The following SETD2 variants were observed in gnomAD, a reference collection of about 807,000 sequenced individuals.
The protein encoded by SETD2 is SET domain containing 2, histone lysine methyltransferase.
SETD2 carries 31 observed loss-of-function variants against 242.1 expected under a neutral mutation model. The observed-to-expected ratio is 0.13, with a 90% CI of 0.10 to 0.17. The LOEUF (loss-of-function observed/expected upper bound fraction) is 0.17, where lower values mean the gene tolerates loss of function less well. Among genes scored for constraint, SETD2 ranks in the 10% least tolerant of loss-of-function variants. SETD2 has a pLI of 1.00. For synonymous variants in SETD2, 1,006 were observed against 1,066.5 expected, an observed-to-expected ratio of 0.94 and a Z score of 1.11; for missense variants, 2,481 against 3,046.3, an observed-to-expected ratio of 0.81 and a Z score of 4.37.
chr3:47,163,629 A>C (rs888196630), intron 1 of SETD2: 8 of 242,724 alleles, frequency 3.3e-5, no homozygotes, highest in Admixed American at 5.7e-5. Context: ...CGCCGCCGCG[A>C]CACGAGCAGC....
chr3:47,129,489 T>C (rs986778424), intron 1 of SETD2, among the ~76,000 whole-genome samples: 1 of 152,226 alleles, frequency 6.6e-6, no homozygotes, highest in Non-Finnish European at 1.5e-5. Context: ...CCATTCTGTA[T>C]CTTGCTTCCC....
At chr3:47,049,778 T>G (rs2039726431) in intron 15 of SETD2, among the ~76,000 whole-genome samples, 1 of 139,528 alleles carries the variant, frequency 7.2e-6, no homozygotes, top group African/African-American at 2.7e-5. Context: ...GAGTTTATAT[T>G]ATTATATATA....
chr3:47,151,688 G>T (rs149897177), intron 1 of SETD2, among the ~76,000 whole-genome samples: 1 of 151,952 alleles, frequency 6.6e-6, no homozygotes, highest in Non-Finnish European at 1.5e-5. Context: ...TTAGCCGGGC[G>T]TGGTGGTACG....
rs1335174982 is a variant in SETD2 at position 47,089,276 on chromosome 3, T to C, written c.5143-1029A>G. Among the ~76,000 whole-genome samples, 6 of 152,058 alleles carry C rather than the reference T, an allele frequency of 3.9e-5. No homozygotes were observed. The South Asian group carries it at 8.3e-4, about 21-fold the overall frequency. On this transcript the variant is annotated intron_variant, in intron 9 of 20. Coordinates refer to ENST00000409792, the MANE Select transcript of SETD2 (RefSeq NM_014159.7). ...GCCTGGGCAACACAGCCAGACTTCA[T>C]CTCTACTAAAAATCAAAAAAATTAG...
rs758888329 is a variant in SETD2 at position 47,113,895 on chromosome 3, C to T, written c.4696G>A (p.Ala1566Thr). ...LTEKKGWGLR[A>T]AKDLPSNTFV... Reference sequence around the variant, plus strand: ...ACTTACGAAGGAAGGTCTTTGGCAGCTCTCAAGCCCCAGCCTTTCTTTTCT... The same window carrying T: ...ACTTACGAAGGAAGGTCTTTGGCAGTTCTCAAGCCCCAGCCTTTCTTTTCT... The change falls in exon 5 of 21, where the codon GCT becomes ACT. Residue 1566 changes from alanine (A) to threonine (T), a missense_variant. This residue lies in a region of SETD2 where 61 missense variants were observed against 221.4 expected (regional missense o/e 0.28). Transcript: ENST00000409792. The T allele has an allele frequency of 6.2e-7, 1 of 1,610,114 alleles. No individual in the cohort carries two copies. The highest frequency in any genetic ancestry group is 1.1e-5 in the South Asian group (1 of 90,558).
chr3:47,103,248 A>G, intron 7 of SETD2, 98 bp downstream of exon 7: 1 of 768,820 alleles, frequency 1.3e-6, no homozygotes, highest in Non-Finnish European at 2.2e-6. Flanking sequence ...AAAAGGGACT[A>G]AAAAATTCAT....
intron 17 of SETD2, among the ~76,000 whole-genome samples, chr3:47,038,090 G>A (rs903237836): frequency 7.2e-5 from 11 of 152,100 alleles, no homozygotes; most frequent in Non-Finnish European, 1.6e-4. Flanking sequence ...ATAAGACTGG[G>A]CAAAGCCTAA....
intron 9 of SETD2, among the ~76,000 whole-genome samples, chr3:47,096,041 C>T (rs2041993954): frequency 6.6e-6 from 1 of 152,124 alleles, no homozygotes. Flanking sequence ...TAAGCAAGAG[C>T]CACCACGCCC....
chr3:47,118,126 A>G (rs1230706632), intron 3 of SETD2, among the ~76,000 whole-genome samples: 1 of 152,230 alleles, frequency 6.6e-6, no homozygotes, highest in African/African-American at 2.4e-5. Context: ...GGTGAAAAGA[A>G]TGATTCCTCT....
At chr3:47,117,261 CAAAAAAA>C (rs5848820) in intron 3 of SETD2, among the ~76,000 whole-genome samples, 1 of 66,492 alleles carries the variant, frequency 1.5e-5, no homozygotes, top group Non-Finnish European at 3.0e-5. Flanking sequence ...CCTGCATTAC[CAAAAAAA>C]AAAAAAAAAA....
chr3:47,142,561 G>GTAT (rs2043754762), intron 1 of SETD2, among the ~76,000 whole-genome samples: 1 of 151,830 alleles, frequency 6.6e-6, no homozygotes, highest in South Asian at 2.1e-4. Context: ...TCTGTATACT[G>GTAT]CTCCGGAATG....
intron 5 of SETD2, among the ~76,000 whole-genome samples, chr3:47,107,415 T>C (rs770434357): frequency 7.2e-5 from 11 of 152,044 alleles, no homozygotes; most frequent in Non-Finnish European, 1.5e-4. Context: ...ACACATATAT[T>C]AAAAAGCAGA....
chr3:47,158,296 AACC>A (rs2044171567), intron 1 of SETD2, among the ~76,000 whole-genome samples: 1 of 152,204 alleles, frequency 6.6e-6, no homozygotes, highest in East Asian at 1.9e-4. Context: ...ATTCTATAAA[AACC>A]ACAATACAGT....
At chr3:47,104,839 A>G (rs995538344) in intron 6 of SETD2, among the ~76,000 whole-genome samples, 1 of 152,302 alleles carries the variant, frequency 6.6e-6, no homozygotes, top group East Asian at 1.9e-4. Context: ...TGGGAGGCCA[A>G]TCTGGGCCAA....
At chr3:47,130,726 T>C (rs2043456777) in intron 1 of SETD2, among the ~76,000 whole-genome samples, 1 of 151,838 alleles carries the variant, frequency 6.6e-6, no homozygotes, top group South Asian at 2.1e-4. Flanking sequence ...CTCCACAGGA[T>C]GAGATCATGC....
intron 1 of SETD2, among the ~76,000 whole-genome samples, chr3:47,146,672 C>T (rs1329380217): frequency 6.6e-6 from 1 of 151,150 alleles, no homozygotes; most frequent in Middle Eastern, 3.4e-3. Context: ...CATGATGGCA[C>T]ATGCCTGTAA....
At chr3:47,101,666 A>G in intron 7 of SETD2, 111 bp from the exon 8 acceptor site, 1 of 612,314 alleles carries the variant, frequency 1.6e-6, no homozygotes. Context: ...CATCTGCCTT[A>G]ATTATGCAAG....
At chr3:47,119,645 T>A (rs1575808452) in intron 3 of SETD2, 1 of 334,174 alleles carries the variant, frequency 3.0e-6, no homozygotes, top group Non-Finnish European at 5.9e-6. Flanking sequence ...GCCTTTTGCC[T>A]CCTGCCGCAA....
chr3:47,136,496 T>C (rs2043592334), intron 1 of SETD2, among the ~76,000 whole-genome samples: 1 of 152,204 alleles, frequency 6.6e-6, no homozygotes, highest in Non-Finnish European at 1.5e-5. Context: ...GCAACATGTA[T>C]GGAGCTGGAG....
Sources: gnomAD v4.1 joint callset for allele counts (sites outside exome capture counted in the v4.1 genomes callset) on GRCh38, gnomAD v4.1.1 for gene constraint, gnomAD v4.1.1 regional missense constraint, MANE v1.5 for transcripts, NCBI Gene and HGNC (gene_info 2026-07-23, HGNC 2026-07-21) for gene names.